Variants in ERO1B observed in about 807,000 individuals in gnomAD.
ERO1B encodes the protein ERO1-like protein beta.
A neutral mutation model predicts 75.3 loss-of-function variants in ERO1B; 49 were observed. That is an observed-to-expected ratio of 0.65 (90% confidence interval 0.52 to 0.83). ERO1B has a LOEUF of 0.83. Among genes scored for constraint, ERO1B ranks in the 40% least tolerant of loss-of-function variants. The pLI, the probability that ERO1B is intolerant of heterozygous loss-of-function variation, is 0.00. For missense variants in ERO1B, 512 were observed against 560.1 expected (o/e 0.91, Z 0.87); for synonymous variants, 191 against 192.9 (o/e 0.99, Z 0.08).
chr1:236,280,180 A>G (rs1406586576), intron 1 of ERO1B, among the ~76,000 whole-genome samples: 1 of 152,230 alleles, frequency 6.6e-6, no homozygotes, highest in African/African-American at 2.4e-5. Context: ...AATTAGTGGT[A>G]AATGAAAAAA....
At chr1:236,239,835 GTGTATATATATATGTGTATATA>G (rs1664644228) in intron 6 of ERO1B, among the ~76,000 whole-genome samples, 1 of 42,358 alleles carries the variant, frequency 2.4e-5, no homozygotes, top group South Asian at 7.6e-4. Context: ...GTATATATAT[GTGTATATATATATGTGTATATA>G]TGTATATATA....
chr1:236,253,064 CTTG>C (rs1369781377), intron 3 of ERO1B, among the ~76,000 whole-genome samples: 1 of 151,368 alleles, frequency 6.6e-6, no homozygotes, highest in African/African-American at 2.4e-5. Flanking sequence ...GGTCCAGTAG[CTTG>C]TTTTTATTTT....
chr1:236,276,695 A>G (rs550326550), intron 1 of ERO1B, among the ~76,000 whole-genome samples: 1 of 152,376 alleles, frequency 6.6e-6, no homozygotes, highest in African/African-American at 2.4e-5. Context: ...AAGAACCAGC[A>G]AAGGAAGAAT....
chr1:236,280,422 G>A (rs1665807229), intron 1 of ERO1B, among the ~76,000 whole-genome samples: 1 of 152,190 alleles, frequency 6.6e-6, no homozygotes, highest in African/African-American at 2.4e-5. Context: ...TGAGGTCCAA[G>A]AGGTAGTCAA....
chr1:236,248,309 A>G (rs1228547919), intron 5 of ERO1B, among the ~76,000 whole-genome samples: 1 of 152,222 alleles, frequency 6.6e-6, no homozygotes, highest in Non-Finnish European at 1.5e-5. Context: ...GATGTAGAGA[A>G]TGATACAAGC....
chr1:236,223,994 T>A (rs538905962), intron 13 of ERO1B, among the ~76,000 whole-genome samples: 1 of 152,332 alleles, frequency 6.6e-6, no homozygotes, highest in African/African-American at 2.4e-5. Flanking sequence ...CTAAAACATC[T>A]TGGGGTCAAA....
intron 2 of ERO1B, among the ~76,000 whole-genome samples, chr1:236,257,651 G>C (rs1196575702): frequency 1.3e-5 from 2 of 151,536 alleles, no homozygotes; most frequent in African/African-American, 4.9e-5. Flanking sequence ...TTTAGAAGGA[G>C]TCATAAAGAT....
intron 14 of ERO1B, among the ~76,000 whole-genome samples, chr1:236,221,324 C>A (rs1439416618): frequency 6.6e-6 from 1 of 151,120 alleles, no homozygotes; most frequent in African/African-American, 2.5e-5. Flanking sequence ...ATTATTGATA[C>A]CCACACTTAA....
chr1:236,272,266 C>T (rs186061099), intron 1 of ERO1B, among the ~76,000 whole-genome samples: 21 of 152,258 alleles, frequency 1.4e-4, no homozygotes, highest in East Asian at 5.8e-4. Context: ...ACGTTTATCA[C>T]GGCACTATTC....
In ERO1B at chr1:236,236,325, G is replaced by A; in HGVS notation, c.579C>T (p.Thr193=). ...TGCTGTTCCACACTCTCCATGCAGA[G>A]GTCCCTTTATAGCCAGTGTAACGCT... is the stretch of plus-strand genomic sequence containing the variant. The part of the protein sequence containing the change: ...NPERYTGYKG[T]SAWRVWNSIY... Residue 193 remains threonine (T), a synonymous_variant, in exon 7 of 16, where the codon ACC becomes ACT. Coordinates refer to ENST00000354619, the MANE Select transcript of ERO1B (RefSeq NM_019891.4). 6.2e-7 allele frequency: 1 copy of A among 1,613,896 alleles called. No homozygotes were observed.
At chr1:236,259,781 A>G (rs140560250) in intron 2 of ERO1B, among the ~76,000 whole-genome samples, 156 of 152,282 alleles carry the variant, frequency 1.0e-3, no homozygotes, top group African/African-American at 3.5e-3. Flanking sequence ...TTGCAATACA[A>G]TAAGACTTCA....
chr1:236,275,898 T>C (rs1455689361), intron 1 of ERO1B, among the ~76,000 whole-genome samples: 1 of 151,974 alleles, frequency 6.6e-6, no homozygotes, highest in African/African-American at 2.4e-5. Flanking sequence ...AAGCAAAGGG[T>C]GACAGGAATT....
chr1:236,228,030 T>C (rs1664318757), intron 10 of ERO1B, among the ~76,000 whole-genome samples: 1 of 152,204 alleles, frequency 6.6e-6, no homozygotes, highest in Non-Finnish European at 1.5e-5. Flanking sequence ...TTTCATCAGA[T>C]CTATTATCAA....
At chr1:236,227,495 C>T (rs1483445330) in intron 10 of ERO1B, among the ~76,000 whole-genome samples, 1 of 152,110 alleles carries the variant, frequency 6.6e-6, no homozygotes, top group Non-Finnish European at 1.5e-5. Flanking sequence ...TGCCACTAAA[C>T]AGTAAACTTA....
chr1:236,220,611 C>G (rs1409141053), intron 15 of ERO1B: 14 of 330,624 alleles, frequency 4.2e-5, no homozygotes, highest in Non-Finnish European at 6.4e-5. Flanking sequence ...AAAATTAAGG[C>G]AGCAAACTGA....
chr1:236,281,861 G>A lies in ERO1B; in HGVS notation c.-78C>T. 9.0e-7 allele frequency: 1 copy of A among 1,112,080 alleles called. No individual in the cohort carries two copies. Among genetic ancestry groups the A allele is most frequent in the Non-Finnish European group, 1.2e-6 (1 of 848,686 alleles). The allele number at this position is 1,112,080 out of a possible 1,614,324, so 68.9% of individuals were successfully genotyped here. A position where few individuals can be genotyped will look rare whatever the true frequency, so the allele number is the denominator to read the frequency against. ...ACGGGCGGCCCAGGCGACGACCCAAGGGGACGGTTCCCAGCGGCCGAGCGA... is the reference window on the plus strand; with the variant it reads ...ACGGGCGGCCCAGGCGACGACCCAAAGGGACGGTTCCCAGCGGCCGAGCGA... On this transcript the variant is annotated 5_prime_UTR_variant, in exon 1 of 16. Coordinates refer to ENST00000354619, the MANE Select transcript of ERO1B (RefSeq NM_019891.4).
intron 2 of ERO1B, among the ~76,000 whole-genome samples, chr1:236,254,480 A>T (rs1665113455): frequency 6.6e-6 from 1 of 151,790 alleles, no homozygotes; most frequent in Non-Finnish European, 1.5e-5. Context: ...GAGTTTATAA[A>T]CTCTGCAGCA....
intron 5 of ERO1B, among the ~76,000 whole-genome samples, chr1:236,245,581 T>TA (rs1491093952): frequency 3.2e-3 from 3 of 940 alleles, no homozygotes; most frequent in African/African-American, 4.1e-3. Flanking sequence ...TATATATATA[T>TA]TTTTTTTTTT....
At chr1:236,258,052 C>G (rs1665201009) in intron 2 of ERO1B, among the ~76,000 whole-genome samples, 1 of 144,594 alleles carries the variant, frequency 6.9e-6, no homozygotes, top group African/African-American at 2.6e-5. Flanking sequence ...GGGAAGGAAA[C>G]AGAAAGCCAG....
Sources: allele counts gnomAD v4.1 joint callset (sites outside exome capture counted in the v4.1 genomes callset), GRCh38; gene constraint gnomAD v4.1.1; transcripts MANE v1.5; gene names NCBI Gene and HGNC (gene_info 2026-07-23, HGNC 2026-07-21).